Variants in ZSWIM6 observed in about 807,000 individuals in gnomAD.
ZSWIM6 encodes the protein zinc finger SWIM-type containing 6, also known as zinc finger SWIM domain-containing protein 6.
ZSWIM6 carries 9 observed loss-of-function variants against 113.2 expected under a neutral mutation model. That is an observed-to-expected ratio of 0.08 (90% confidence interval 0.05 to 0.14). The LOEUF (loss-of-function observed/expected upper bound fraction) is 0.14, where lower values mean the gene tolerates loss of function less well. ZSWIM6 is among the 10% of genes least tolerant of loss of function. The pLI is 1.00. For missense variants in ZSWIM6, 1,162 were observed against 1,552.2 expected (o/e 0.75, Z 4.22); for synonymous variants, 611 against 606.5 (o/e 1.01, Z -0.11).
intron 1 of ZSWIM6, among the ~76,000 whole-genome samples, chr5:61,368,794 T>G (rs909306783): frequency 2.6e-5 from 4 of 152,204 alleles, no homozygotes; most frequent in African/African-American, 9.7e-5. Flanking sequence ...CTGATGGAGA[T>G]CTGGTAAGGG....
intron 1 of ZSWIM6, among the ~76,000 whole-genome samples, chr5:61,466,155 T>C (rs1290369912): frequency 6.6e-6 from 1 of 152,174 alleles, no homozygotes; most frequent in Non-Finnish European, 1.5e-5. Flanking sequence ...ATTATTGTAG[T>C]GTGGGGTGTT....
intron 1 of ZSWIM6, among the ~76,000 whole-genome samples, chr5:61,345,970 A>T (rs1231682354): frequency 1.3e-5 from 2 of 152,146 alleles, no homozygotes; most frequent in East Asian, 1.9e-4. Context: ...GTTGAAACAG[A>T]GTGTCGCTCT....
chr5:61,469,835 G>C (rs1434665450), intron 1 of ZSWIM6, among the ~76,000 whole-genome samples: 2 of 152,102 alleles, frequency 1.3e-5, no homozygotes, highest in African/African-American at 4.8e-5. Flanking sequence ...AGCTCCCCGA[G>C]TAGCTGGGAC....
At chr5:61,351,000 A>G (rs1224737928) in intron 1 of ZSWIM6, among the ~76,000 whole-genome samples, 1 of 152,214 alleles carries the variant, frequency 6.6e-6, no homozygotes, top group Non-Finnish European at 1.5e-5. Flanking sequence ...CTGTAATCAT[A>G]TATTGATTTC....
chr5:61,444,905 A>G (rs535602030), intron 1 of ZSWIM6, among the ~76,000 whole-genome samples: 1 of 152,304 alleles, frequency 6.6e-6, no homozygotes, highest in South Asian at 2.1e-4. Context: ...TCAATATTCA[A>G]GATTTAGCAG....
At chr5:61,532,896 G>A (rs1319864986) in intron 9 of ZSWIM6, among the ~76,000 whole-genome samples, 3 of 152,096 alleles carry the variant, frequency 2.0e-5, no homozygotes, top group African/African-American at 7.2e-5. Flanking sequence ...TATGCTATAA[G>A]CAATGTCATT....
chr5:61,522,427 C>G (rs1749158262), intron 5 of ZSWIM6, among the ~76,000 whole-genome samples: 1 of 152,116 alleles, frequency 6.6e-6, no homozygotes, highest in African/African-American at 2.4e-5. Context: ...TATGTACTAG[C>G]CACATGCTGA....
intron 1 of ZSWIM6, among the ~76,000 whole-genome samples, chr5:61,366,031 A>T (rs980953340): frequency 6.6e-6 from 1 of 152,040 alleles, no homozygotes; most frequent in African/African-American, 2.4e-5. Flanking sequence ...AGTAGCTGGG[A>T]CTACAGGCGC....
intron 3 of ZSWIM6, among the ~76,000 whole-genome samples, chr5:61,492,259 C>T (rs1412382854): frequency 6.6e-6 from 1 of 152,058 alleles, no homozygotes; most frequent in Admixed American, 6.6e-5. Flanking sequence ...TATTTAGACA[C>T]ACAGGAAGTA....
chr5:61,443,379 T>G (rs1319966173), intron 1 of ZSWIM6, among the ~76,000 whole-genome samples: 2 of 152,160 alleles, frequency 1.3e-5, no homozygotes, highest in East Asian at 1.9e-4. Context: ...GAATACATAC[T>G]CATAACACAC....
intron 7 of ZSWIM6, 133 bp from the exon 8 acceptor site, chr5:61,529,919 G>C (rs1290376121): frequency 1.2e-5 from 9 of 759,768 alleles, no homozygotes; most frequent in Non-Finnish European, 1.8e-5. Flanking sequence ...TTAATTAAAA[G>C]AGAATTTCGA....
chr5:61,344,187 G>T (rs1379269156), intron 1 of ZSWIM6, among the ~76,000 whole-genome samples: 2 of 152,182 alleles, frequency 1.3e-5, no homozygotes, highest in Admixed American at 6.5e-5. Flanking sequence ...GAGCCACTGT[G>T]CCTGGCCAGG....
intron 1 of ZSWIM6, among the ~76,000 whole-genome samples, chr5:61,434,215 A>T (rs1746651635): frequency 2.0e-5 from 3 of 147,950 alleles, no homozygotes; most frequent in South Asian, 2.1e-4. Flanking sequence ...AATATATATA[A>T]AAATATGTAT....
intron 1 of ZSWIM6, among the ~76,000 whole-genome samples, chr5:61,394,815 C>A (rs1017454397): frequency 6.6e-6 from 1 of 152,084 alleles, no homozygotes; most frequent in Non-Finnish European, 1.5e-5. Context: ...ACAGTTACCC[C>A]CTTTTTCCAA....
chr5:61,485,787 T>C (rs1748003792), intron 2 of ZSWIM6, among the ~76,000 whole-genome samples: 1 of 152,176 alleles, frequency 6.6e-6, no homozygotes, highest in African/African-American at 2.4e-5. Flanking sequence ...AAAGTGATTT[T>C]TTTAGATACG....
intron 1 of ZSWIM6, among the ~76,000 whole-genome samples, chr5:61,353,375 A>G (rs1366904819): frequency 6.6e-6 from 1 of 152,174 alleles, no homozygotes; most frequent in Non-Finnish European, 1.5e-5. Context: ...GAGGAAACAG[A>G]TATGTTAAGT....
chr5:61,453,817 A>C (rs1747140561), intron 1 of ZSWIM6, among the ~76,000 whole-genome samples: 1 of 151,940 alleles, frequency 6.6e-6, no homozygotes, highest in African/African-American at 2.4e-5. Context: ...GTATCAAATA[A>C]TTTGTATATA....
chr5:61,436,543 A>G (rs553296216), intron 1 of ZSWIM6, among the ~76,000 whole-genome samples: 57 of 152,316 alleles, frequency 3.7e-4, no homozygotes, highest in African/African-American at 1.3e-3. Flanking sequence ...GTCTGATGAT[A>G]GGTTCTGGCT....
intron 1 of ZSWIM6, among the ~76,000 whole-genome samples, chr5:61,377,027 T>A (rs1362074948): frequency 6.7e-6 from 1 of 150,240 alleles, no homozygotes; most frequent in East Asian, 1.9e-4. Flanking sequence ...ATGTAATGTT[T>A]AAAAAAAAAA....
Sources: allele counts gnomAD v4.1 joint callset (sites outside exome capture counted in the v4.1 genomes callset), GRCh38; gene constraint gnomAD v4.1.1; transcripts MANE v1.5; gene names NCBI Gene and HGNC (gene_info 2026-07-23, HGNC 2026-07-21).